SEMA4G: variants seen among roughly 807,000 people sequenced by gnomAD.
SEMA4G encodes the protein semaphorin 4G, also known as semaphorin-4G.
Under a neutral mutation model 81.2 loss-of-function variants are expected in SEMA4G, and 59 were observed. That is an observed-to-expected ratio of 0.73 (90% CI 0.59 to 0.90). The LOEUF (loss-of-function observed/expected upper bound fraction) is 0.90, where lower values mean the gene tolerates loss of function less well. Among genes scored for constraint, SEMA4G ranks in the 40% least tolerant of loss-of-function variants. The probability of loss-of-function intolerance (pLI) is 0.00; values close to 1 mark genes in which losing one functional copy is unlikely to be tolerated. For synonymous variants in SEMA4G, 404 were observed against 433.9 expected (o/e 0.93, Z 0.86); for missense variants, 952 against 1,102.3 (o/e 0.86, Z 1.93).
intron 13 of SEMA4G, among the ~76,000 whole-genome samples, chr10:100,982,188 GGGT>G (rs1851120540): frequency 6.6e-6 from 1 of 151,922 alleles, no homozygotes; most frequent in South Asian, 2.1e-4. Flanking sequence ...AGAGGACATG[GGGT>G]AATGGGGTGA....
At chr10:100,984,922 C>G, downstream of SEMA4G, 1 of 1,446,464 alleles carries the variant, frequency 6.9e-7, no homozygotes, top group Non-Finnish European at 9.1e-7. Context: ...TGTCCCATCC[C>G]CATGCACATG....
At chr10:100,981,425 CAT>C in intron 13 of SEMA4G, 196 bp downstream of exon 14, 2 of 1,613,962 alleles carry the variant, frequency 1.2e-6, no homozygotes, top group Non-Finnish European at 1.7e-6. Context: ...AACTAGGAAA[CAT>C]ATTTAAGATG....
intron 3 of SEMA4G, chr10:100,975,188 AT>A: frequency 2.6e-6 from 1 of 384,602 alleles, no homozygotes; most frequent in Non-Finnish European, 5.2e-6. Flanking sequence ...TCAGAATTTG[AT>A]ACTTTAGAGG....
chr10:100,972,917 G>C (rs745907076), exon 1 of SEMA4G: 14 of 1,607,004 alleles, frequency 8.7e-6, no homozygotes, highest in Non-Finnish European at 1.2e-5. Context: ...AGGAAGATGT[G>C]GGGGAGGCTC....
Position 100,973,693 on chromosome 10 carries a change from G to A in SEMA4G, c.336+84G>A. On this transcript the variant is annotated intron_variant, in intron 3 of 13. Coordinates refer to ENST00000370250, the Ensembl canonical transcript of SEMA4G. This position sits in a 1 kb window ranked among gnomAD's most constrained non-coding sequence, Gnocchi z 5.5. ...CCAGGATTGTTGGGGACACAGATGG[G>A]TAGGTACAGACCTGCCAGTCAATCT... 1 of 1,278,152 alleles carries A rather than the reference G, an allele frequency of 7.8e-7. No individual in the cohort carries two copies. Among genetic ancestry groups the A allele is most frequent in the South Asian group, 1.3e-5 (1 of 77,002 alleles). The allele number at this position is 1,278,152 out of a possible 1,614,324, so 79.2% of individuals were successfully genotyped here.
exon 4 of SEMA4G, chr10:100,977,654 G>A (rs750061929): frequency 2.2e-5 from 35 of 1,614,106 alleles, no homozygotes; most frequent in Middle Eastern, 1.6e-4. Flanking sequence ...AACCATGTGC[G>A]GTTCCTGCAG....
chr10:100,969,718 G>C, upstream of SEMA4G: 1 of 379,736 alleles, frequency 2.6e-6, no homozygotes, highest in South Asian at 1.8e-5. Flanking sequence ...TCACCACCAA[G>C]TCCCCCGGTC....
intron 3 of SEMA4G, among the ~76,000 whole-genome samples, chr10:100,975,599 T>C (rs1046643442): frequency 3.9e-5 from 6 of 152,204 alleles, no homozygotes; most frequent in South Asian, 2.1e-4. Flanking sequence ...GGCTCAGGCC[T>C]GTAATCCCAG....
intron 3 of SEMA4G, 96 bp from the exon 5 acceptor site, chr10:100,977,536 G>C: frequency 1.1e-6 from 1 of 897,424 alleles, no homozygotes; most frequent in Admixed American, 1.7e-5. Flanking sequence ...CGTTTGTCCT[G>C]TGGGTGGGGG....
At chr10:100,984,050 C>G in exon 14 of SEMA4G, 1 of 1,613,750 alleles carries the variant, frequency 6.2e-7, no homozygotes, top group Non-Finnish European at 8.5e-7. Context: ...GGCCCTGCTC[C>G]TTCGCCGAGG....
In SEMA4G at chr10:100,978,470, G is replaced by A. The variant is rs144756086; in HGVS notation, c.530-57G>A. The A allele has an allele frequency of 1.6e-4, 258 of 1,597,380 alleles. 3 individuals carry two copies. In the East Asian group the frequency reaches 5.7e-3, roughly 36 times the overall value. On this transcript the variant is annotated intron_variant, in intron 5 of 13. Coordinates refer to ENST00000370250, the Ensembl canonical transcript of SEMA4G. The stretch of plus-strand genomic sequence containing the variant: ...CTCTAGGACCTGCCACCATGTATAT[G>A]TCATGTGCCCTGTTGAATATGACAT...
At chr10:100,983,866 G>C (rs1230873584) in exon 14 of SEMA4G, 1 of 1,572,522 alleles carries the variant, frequency 6.4e-7, no homozygotes, top group Non-Finnish European at 8.6e-7. Flanking sequence ...GGCCTGGAGG[G>C]CAGCTGTCTC....
exon 14 of SEMA4G, chr10:100,983,800 C>A: frequency 1.2e-6 from 2 of 1,605,624 alleles, no homozygotes; most frequent in South Asian, 1.1e-5. Context: ...CAACTGCAGA[C>A]AGTCTCAGGC....
intron 3 of SEMA4G, among the ~76,000 whole-genome samples, chr10:100,974,083 A>T (rs1389760846): frequency 1.3e-5 from 2 of 151,560 alleles, no homozygotes; most frequent in Non-Finnish European, 2.9e-5. Flanking sequence ...GCATCTGGGC[A>T]CAGTACTTCT....
intron 3 of SEMA4G, among the ~76,000 whole-genome samples, chr10:100,974,626 C>A (rs944009821): frequency 5.9e-5 from 9 of 152,054 alleles, no homozygotes; most frequent in Non-Finnish European, 1.5e-5. Flanking sequence ...CTAAAATAAC[C>A]CTATGAAATA....
intron 3 of SEMA4G, among the ~76,000 whole-genome samples, chr10:100,974,287 G>A (rs539328535): frequency 1.3e-5 from 2 of 151,930 alleles, no homozygotes; most frequent in South Asian, 2.1e-4. Flanking sequence ...GCAACACAGC[G>A]AGATCTGTCT....
At chr10:100,983,929 C>T (rs773939741) in exon 14 of SEMA4G, 24 of 1,601,424 alleles carry the variant, frequency 1.5e-5, no homozygotes, top group South Asian at 2.2e-5. Flanking sequence ...CCGCCCCCAC[C>T]GCCACCGGCT....
intron 13 of SEMA4G, chr10:100,981,484 C>T: frequency 6.2e-7 from 1 of 1,614,184 alleles, no homozygotes; most frequent in Non-Finnish European, 8.5e-7. Context: ...TAGTGGATGA[C>T]AAGGGTTCAG....
At chr10:100,983,854 G>C in exon 14 of SEMA4G, 1 of 1,583,886 alleles carries the variant, frequency 6.3e-7, no homozygotes, top group East Asian at 2.3e-5. Context: ...GAGGGGGCTG[G>C]GGGCCTGGAG....
Sources: gnomAD v4.1 joint callset for allele counts (sites outside exome capture counted in the v4.1 genomes callset) on GRCh38, gnomAD v4.1.1 for gene constraint, Gnocchi (gnomAD v3.1) non-coding constraint, MANE v1.5 for transcripts, NCBI Gene and HGNC (gene_info 2026-07-23, HGNC 2026-07-21) for gene names.